Variants in APPBP2 observed in about 807,000 individuals in gnomAD.
APPBP2 encodes amyloid protein-binding protein 2.
Under a neutral mutation model 76.0 loss-of-function variants are expected in APPBP2, and 15 were observed. That is an observed-to-expected ratio of 0.20 (90% CI 0.13 to 0.30). The LOEUF (loss-of-function observed/expected upper bound fraction) is 0.30. APPBP2 is among the 10% of genes least tolerant of loss of function. The pLI is 1.00. For synonymous variants in APPBP2, 222 were observed against 242.2 expected, an observed-to-expected ratio of 0.92 and a Z score of 0.77; for missense variants, 401 against 687.2, an observed-to-expected ratio of 0.58 and a Z score of 4.66.
At chr17:60,452,149 G>T in intron 11 of APPBP2, 104 bp from the exon 12 acceptor site, 2 of 1,140,052 alleles carry the variant, frequency 1.8e-6, no homozygotes, top group Non-Finnish European at 2.6e-6. Flanking sequence ...TCTTATGAAT[G>T]CCATAAGGTA....
chr17:60,453,694 C>CA (rs2143293281), intron 11 of APPBP2, among the ~76,000 whole-genome samples: 2 of 151,806 alleles, frequency 1.3e-5, no homozygotes, highest in East Asian at 3.9e-4. Context: ...TGTGAGCCAC[C>CA]ATGTCTGGCT....
chr17:60,484,534 T>C (rs183243645), intron 3 of APPBP2, among the ~76,000 whole-genome samples: 15 of 152,232 alleles, frequency 9.9e-5, no homozygotes, highest in Admixed American at 5.9e-4. Flanking sequence ...TTATGTGTTA[T>C]TGGTGCATAA....
chr17:60,498,756 G>C (rs73328479), intron 2 of APPBP2, among the ~76,000 whole-genome samples: 12,513 of 152,134 alleles, frequency 0.082, 1,705 homozygotes, highest in African/African-American at 0.28. Flanking sequence ...CCCTAGGGGA[G>C]GGGAAGTAGT....
chr17:60,469,027 AG>A (rs2090531468), intron 4 of APPBP2, among the ~76,000 whole-genome samples: 1 of 152,168 alleles, frequency 6.6e-6, no homozygotes, highest in South Asian at 2.1e-4. Context: ...CTAAAGGAAA[AG>A]AATTTCTCTC....
chr17:60,484,320 G>A (rs1465821337), intron 3 of APPBP2, among the ~76,000 whole-genome samples: 1 of 152,162 alleles, frequency 6.6e-6, no homozygotes, highest in Admixed American at 6.5e-5. Flanking sequence ...ACCTTGCACA[G>A]TACAGCCATT....
intron 2 of APPBP2, among the ~76,000 whole-genome samples, chr17:60,497,321 G>A (rs2090784087): frequency 6.6e-6 from 1 of 152,292 alleles, no homozygotes; most frequent in East Asian, 1.9e-4. Context: ...TGGATATAGA[G>A]AGGAGAAGGA....
At chr17:60,457,931 C>T (rs2090443463) in intron 9 of APPBP2, among the ~76,000 whole-genome samples, 1 of 152,144 alleles carries the variant, frequency 6.6e-6, no homozygotes, top group Non-Finnish European at 1.5e-5. Context: ...ATAAAGAAAC[C>T]TATGCCCATT....
chr17:60,457,695 G>C (rs1304710176), intron 9 of APPBP2, among the ~76,000 whole-genome samples: 1 of 152,230 alleles, frequency 6.6e-6, no homozygotes, highest in Non-Finnish European at 1.5e-5. Context: ...CTCCTAAAGT[G>C]CTGGGAGTAC....
chr17:60,514,851 T>G (rs1377964577), intron 1 of APPBP2, among the ~76,000 whole-genome samples: 1 of 152,210 alleles, frequency 6.6e-6, no homozygotes, highest in Non-Finnish European at 1.5e-5. Context: ...TCGCCCAGGC[T>G]GGGGTGCAGC....
intron 4 of APPBP2, among the ~76,000 whole-genome samples, chr17:60,474,166 ATT>A (rs534845750): frequency 1.3e-5 from 2 of 149,040 alleles, no homozygotes; most frequent in African/African-American, 4.9e-5. Flanking sequence ...GTTAAATTTC[ATT>A]TTTTTTTTAT....
At position 60,482,428 on chromosome 17, in the gene APPBP2, CTTTT is replaced by C. The variant is rs1022774003; in HGVS notation, c.380-3161_380-3158del. Among the ~76,000 whole-genome samples, 6 of 152,024 alleles carry C rather than the reference CTTTT, an allele frequency of 3.9e-5. No individual in the cohort carries two copies. In the East Asian group the frequency reaches 5.8e-4, roughly 15 times the overall value. On this transcript the variant is annotated intron_variant, in intron 3 of 12. Coordinates refer to ENST00000083182, the MANE Select transcript of APPBP2 (RefSeq NM_006380.5). ...ATGCAGTCCTTTCTAAAAGACAATT[CTTTT>C]TTATTTTTTAGGATTAAAAATTTAT...
chr17:60,454,605 A>C, intron 10 of APPBP2, 113 bp from the exon 11 acceptor site: 2 of 664,558 alleles, frequency 3.0e-6, no homozygotes, highest in Non-Finnish European at 4.6e-6. Context: ...TTTATATGTG[A>C]TTATGGTTTG....
chr17:60,457,810 A>G (rs2090442783), intron 9 of APPBP2, among the ~76,000 whole-genome samples: 1 of 152,236 alleles, frequency 6.6e-6, no homozygotes, highest in Non-Finnish European at 1.5e-5. Context: ...AGATATAATT[A>G]GTATACCACA....
intron 11 of APPBP2, among the ~76,000 whole-genome samples, 164 bp from the exon 12 acceptor site, chr17:60,452,209 C>T (rs528128234): frequency 6.6e-6 from 1 of 152,252 alleles, no homozygotes; most frequent in African/African-American, 2.4e-5. Flanking sequence ...CTATGGGAAG[C>T]ATTACAGAGT....
intron 5 of APPBP2, among the ~76,000 whole-genome samples, chr17:60,464,630 G>C (rs1203921361): frequency 6.6e-6 from 1 of 152,146 alleles, no homozygotes; most frequent in African/African-American, 2.4e-5. Context: ...GTACTATTAG[G>C]GGAAACAGGT....
At chr17:60,485,890 G>T (rs1184377507) in intron 3 of APPBP2, among the ~76,000 whole-genome samples, 2 of 152,128 alleles carry the variant, frequency 1.3e-5, no homozygotes, top group Non-Finnish European at 2.9e-5. Flanking sequence ...AGAGATTCTG[G>T]TTCGTTGTGT....
In APPBP2 at chr17:60,454,508, A is replaced by G. The variant is rs1333648819; in HGVS notation, c.1148-16T>C. On this transcript the variant is annotated splice_polypyrimidine_tract_variant and intron_variant, in intron 10 of 12. Coordinates refer to ENST00000083182, the MANE Select transcript of APPBP2 (RefSeq NM_006380.5). ...AAAATAAGTGCTAAAAAAGAAGGCAATAAATTAGTGTACTTCAAAACCATC... is the reference window on the plus strand; with the variant it reads ...AAAATAAGTGCTAAAAAAGAAGGCAGTAAATTAGTGTACTTCAAAACCATC... 1 of 1,556,280 alleles carries G rather than the reference A, an allele frequency of 6.4e-7. No individual in the cohort carries two copies. Among genetic ancestry groups the G allele is most frequent in the Non-Finnish European group, 8.7e-7 (1 of 1,149,168 alleles).
At position 60,444,308 on chromosome 17, in the gene APPBP2, CA is replaced by C. The variant is rs1316190303; in HGVS notation, c.*3272del. 6.6e-6 allele frequency: 1 copy of C among 152,396 alleles called. No homozygotes were observed. The highest frequency in any genetic ancestry group is 2.4e-5 in the African/African-American group (1 of 41,470). The allele number at this position is 152,396 out of a possible 1,614,324, so 9.4% of individuals were successfully genotyped here. A position where few individuals can be genotyped will look rare whatever the true frequency, so the allele number is the denominator to read the frequency against. On this transcript the variant is annotated 3_prime_UTR_variant, in exon 13 of 13. Transcript: ENST00000083182. The stretch of plus-strand genomic sequence containing the variant: ...GCAAGGCTACAAATTCTAGGGAAAA[CA>C]TAAAAAGTGGCAGTTAATGATACCT...
At chr17:60,476,158 A>T (rs1349159955) in intron 4 of APPBP2, among the ~76,000 whole-genome samples, 2 of 152,250 alleles carry the variant, frequency 1.3e-5, no homozygotes, top group Non-Finnish European at 1.5e-5. Context: ...AAATAGGCAG[A>T]GTCTCCAAAG....
Sources: allele counts gnomAD v4.1 joint callset (sites outside exome capture counted in the v4.1 genomes callset), GRCh38; gene constraint gnomAD v4.1.1; transcripts MANE v1.5; gene names NCBI Gene and HGNC (gene_info 2026-07-23, HGNC 2026-07-21).